SLC9A6: variants seen among roughly 807,000 people sequenced by gnomAD.
The protein encoded by SLC9A6 is sodium/hydrogen exchanger 6.
SLC9A6 carries 6 observed loss-of-function variants against 45.3 expected under a neutral mutation model. The observed-to-expected ratio is 0.13, with a 90% CI of 0.07 to 0.26. The LOEUF is 0.26. Ranked by LOEUF, SLC9A6 falls within the 10% of genes least tolerant of loss-of-function variation. The probability of loss-of-function intolerance (pLI) is 1.00; values close to 1 mark genes in which losing one functional copy is unlikely to be tolerated. For synonymous variants in SLC9A6, 191 were observed against 187.7 expected, an observed-to-expected ratio of 1.02 and a Z score of -0.14; for missense variants, 278 against 503.7, an observed-to-expected ratio of 0.55 and a Z score of 4.29.
intron 6 of SLC9A6, among the ~76,000 whole-genome samples, chrX:136,000,123 T>C (rs782563569): frequency 4.6e-5 from 5 of 107,834 alleles, no homozygotes; most frequent in Admixed American, 1.0e-4. Flanking sequence ...TGGGAGTGCG[T>C]GCCTGTAGTC....
intron 7 of SLC9A6, among the ~76,000 whole-genome samples, chrX:136,003,268 C>T (rs1407753489): frequency 1.8e-5 from 2 of 112,467 alleles, no homozygotes; most frequent in East Asian, 5.6e-4. Context: ...AGATTACAGG[C>T]GTGAGCCACC....
intron 17 of SLC9A6, among the ~76,000 whole-genome samples, chrX:136,043,844 C>T (rs2071553627): frequency 9.0e-6 from 1 of 111,711 alleles, no homozygotes; most frequent in Non-Finnish European, 1.9e-5. Flanking sequence ...TATGGAGCTG[C>T]AGTGAGGGCT....
At position 135,998,100 on chromosome X, in the gene SLC9A6, T is replaced by C. The variant is rs782106250; in HGVS notation, c.370-8T>C. 6.3e-6 allele frequency: 6 copies of C among 947,325 alleles called. No individual in the cohort carries two copies. In the South Asian group the frequency reaches 1.2e-4, roughly 18 times the overall value. The allele number at this position is 947,325 out of a possible 1,213,427, so 78.1% of individuals were successfully genotyped here. ...GAATTGATCTAAAATAACTCTTTAT[T>C]TTAACAGGTTACTTTTGATCCAGAA... On this transcript the variant is annotated splice_polypyrimidine_tract_variant and splice_region_variant and intron_variant, in intron 3 of 17. Transcript: ENST00000630721.
chrX:135,978,695 A>G (rs900641172), intron 1 of SLC9A6, among the ~76,000 whole-genome samples: 8 of 111,751 alleles, frequency 7.2e-5, no homozygotes, highest in Non-Finnish European at 1.1e-4. Context: ...TGACACTGCA[A>G]ATCTTATTTG....
At chrX:135,989,978 G>GT (rs1273807280) in intron 2 of SLC9A6, among the ~76,000 whole-genome samples, 25 of 110,679 alleles carry the variant, frequency 2.3e-4, no homozygotes, top group Non-Finnish European at 4.6e-4. Context: ...TTGTGGTTGT[G>GT]TTTTTTTTGT....
Position 136,031,174 on chromosome X carries a change from G to A in SLC9A6, c.1581+1012G>A, listed in dbSNP as rs782633764. Among the ~76,000 whole-genome samples the A allele has an allele frequency of 9.8e-5, 11 of 111,775 alleles. No individual in the cohort carries two copies. The South Asian group carries it at 4.1e-3, about 42-fold the overall frequency. On this transcript the variant is annotated intron_variant, in intron 15 of 17. Transcript: ENST00000630721. ...CATGATGCCGGGCTCCTGGTGTAGT[G>A]TCCAAGGGGTGATAATTCCTCAGTG...
intron 5 of SLC9A6, 47 bp from the exon 6 acceptor site, chrX:135,998,809 T>C (rs1556616966): frequency 1.1e-6 from 1 of 933,995 alleles, no homozygotes. Context: ...CTAATTTTTT[T>C]AACAGTTGAT....
intron 12 of SLC9A6, 96 bp from the exon 13 acceptor site, chrX:136,024,234 C>A: frequency 2.2e-6 from 2 of 897,480 alleles, no homozygotes; most frequent in South Asian, 2.0e-5. Flanking sequence ...TGTTCACATG[C>A]TTCTAAGTTT....
At chrX:135,974,017 C>T (rs1277700924), upstream of SLC9A6, 6 of 652,283 alleles carry the variant, frequency 9.2e-6, no homozygotes, top group African/African-American at 1.5e-4. Context: ...GGGGCAGGGC[C>T]AGTGGCGAGA....
At chrX:136,035,889 G>C (rs1259507096) in intron 16 of SLC9A6, among the ~76,000 whole-genome samples, 2 of 108,666 alleles carry the variant, frequency 1.8e-5, no homozygotes, top group Non-Finnish European at 3.8e-5. Flanking sequence ...GGGTAGCTGG[G>C]ACTCCTGGTG....
intron 8 of SLC9A6, among the ~76,000 whole-genome samples, chrX:136,012,620 A>C (rs1211339521): frequency 1.8e-5 from 2 of 112,657 alleles, no homozygotes; most frequent in Non-Finnish European, 3.8e-5. Context: ...TTTGGGTCTC[A>C]GATTAATAGA....
chrX:135,998,355 TATCCTAGTGAATAATGCATTTA>T (rs1162836353), intron 4 of SLC9A6, 105 bp from the exon 5 acceptor site: 2 of 563,175 alleles, frequency 3.6e-6, no homozygotes, highest in Non-Finnish European at 2.9e-6. Flanking sequence ...TTCTCTTATT[TATCCTAGTGAATAATGCATTTA>T]ATCCTAGTGA....
At chrX:136,041,358 A>G (rs1312193371) in intron 17 of SLC9A6, among the ~76,000 whole-genome samples, 1 of 111,242 alleles carries the variant, frequency 9.0e-6, no homozygotes, top group Non-Finnish European at 1.9e-5. Context: ...CAGATTGTAT[A>G]AGAAATGGAC....
rs782679877 is a variant in SLC9A6 at position 136,044,762 on chromosome X, A to G, written c.*38A>G. On this transcript the variant is annotated 3_prime_UTR_variant, in exon 18 of 18. Transcript: ENST00000630721. ...TCACTTAGTGATTTGTAAAATTTGC[A>G]CATGTGATTGTGAAGAAATTTGTAC... is the stretch of plus-strand genomic sequence containing the variant. 8 of 1,183,080 alleles carry G rather than the reference A, an allele frequency of 6.8e-6. No homozygotes were observed. Among genetic ancestry groups the G allele is most frequent in the Non-Finnish European group, 9.2e-6 (8 of 869,301 alleles).
chrX:135,999,632 G>C (rs1556617109), intron 6 of SLC9A6, among the ~76,000 whole-genome samples: 1 of 111,686 alleles, frequency 9.0e-6, no homozygotes, highest in Non-Finnish European at 1.9e-5. Flanking sequence ...TACTGAGTTA[G>C]GTTTTAGTTT....
In SLC9A6 at chrX:136,010,532, C is replaced by T; in HGVS notation, c.834C>T (p.Ile278=). Residue 278 remains isoleucine, a synonymous_variant, in exon 8 of 18, where the codon ATC becomes ATT. Coordinates refer to ENST00000630721, the MANE Select transcript of SLC9A6 (RefSeq NM_001379110.1). ...AGTCTATTGGGATCTTCCTTGGAATCTTCAGTGGATCTTTTGCAATGGGTG... is the reference window on the plus strand; with the variant it reads ...AGTCTATTGGGATCTTCCTTGGAATTTTCAGTGGATCTTTTGCAATGGGTG... ...MFKSIGIFLG[I]FSGSFAMGAA... The T allele has an allele frequency of 1.7e-6, 2 of 1,210,628 alleles. No homozygotes were observed. The highest frequency in any genetic ancestry group is 1.1e-6 in the Non-Finnish European group (1 of 894,311).
intron 8 of SLC9A6, 27 bp from the exon 9 acceptor site, chrX:136,012,922 T>G (rs782545962): frequency 8.4e-6 from 9 of 1,071,485 alleles, no homozygotes; most frequent in Middle Eastern, 2.5e-4. Context: ...TGTTACAAGA[T>G]CTCATTACTA....
rs1464789038 is a variant in SLC9A6, at chrX:136,046,244, T to C, written c.*1520T>C. 8.9e-6 allele frequency: 1 copy of C among 112,577 alleles called. No individual in the cohort carries two copies. The highest frequency in any genetic ancestry group is 3.2e-5 in the African/African-American group (1 of 30,867). 9.3% of individuals were successfully genotyped at this position (112,577 alleles called of 1,213,427 possible). On this transcript the variant is annotated 3_prime_UTR_variant, in exon 18 of 18. Coordinates refer to ENST00000630721, the MANE Select transcript of SLC9A6 (RefSeq NM_001379110.1). ...GAAAAATACCCTTCTGAACAAAACA[T>C]GTACTTACTCTCCGAAAGGCATCTA...
intron 11 of SLC9A6, among the ~76,000 whole-genome samples, chrX:136,021,779 G>A (rs902000143): frequency 4.5e-4 from 50 of 111,648 alleles, no homozygotes; most frequent in African/African-American, 1.5e-3. Context: ...CTCCCGCCCC[G>A]GTCTCCCAAA....
Sources: allele counts gnomAD v4.1 joint callset (sites outside exome capture counted in the v4.1 genomes callset), GRCh38; gene constraint gnomAD v4.1.1; transcripts MANE v1.5; gene names NCBI Gene and HGNC (gene_info 2026-07-23, HGNC 2026-07-21).